LUZP2: variants seen among roughly 807,000 people sequenced by gnomAD.
LUZP2 encodes leucine zipper protein 2.
LUZP2 carries 52 observed loss-of-function variants against 51.6 expected under a neutral mutation model. The ratio of observed to expected loss-of-function variants is 1.01; its 90% CI spans 0.81 to 1.27. LUZP2 has a LOEUF of 1.27. LUZP2 is among the 50% of genes most tolerant of loss of function. LUZP2 has a pLI of 0.00. For missense variants in LUZP2, 436 were observed against 395.4 expected (o/e 1.10, Z -0.87); for synonymous variants, 154 against 137.3 (o/e 1.12, Z -0.85).
At position 24,786,236 on chromosome 11, in the gene LUZP2, C is replaced by T. The variant is rs151197330; in HGVS notation, c.396+22928C>T. On this transcript the variant is annotated intron_variant, in intron 5 of 11. Transcript: ENST00000336930. ...TTTTTAGGTTAACTTAATTTCCCAT[C>T]GTAATTGCATGCATGCATGTTTGAT... is the stretch of plus-strand genomic sequence containing the variant. 4.7e-5 allele frequency: 45 copies of T among 962,050 alleles called. 1 individual carries two copies. The East Asian group carries it at 1.3e-3, about 27-fold the overall frequency. The allele number at this position is 962,050 out of a possible 1,614,324, so 59.6% of individuals were successfully genotyped here.
intron 1 of LUZP2, among the ~76,000 whole-genome samples, chr11:24,632,882 G>T (rs565809665): frequency 2.6e-5 from 4 of 152,094 alleles, no homozygotes; most frequent in African/African-American, 9.6e-5. Context: ...AATCTTGTTT[G>T]AGAGAACACC....
chr11:24,499,271 T>C (rs1457251587), intron 1 of LUZP2, among the ~76,000 whole-genome samples: 1 of 152,194 alleles, frequency 6.6e-6, no homozygotes, highest in Admixed American at 6.5e-5. Flanking sequence ...TCTGTAGGAA[T>C]TCATTTTACT....
intron 1 of LUZP2, among the ~76,000 whole-genome samples, chr11:24,648,303 G>A (rs1855522936): frequency 6.6e-6 from 1 of 151,592 alleles, no homozygotes; most frequent in South Asian, 2.1e-4. Context: ...TGCCTTGACT[G>A]CAAATTGTTT....
At chr11:24,871,133 T>A (rs1852057511) in intron 5 of LUZP2, among the ~76,000 whole-genome samples, 1 of 152,118 alleles carries the variant, frequency 6.6e-6, no homozygotes, top group South Asian at 2.1e-4. Context: ...TTCCAAAATG[T>A]TTATCCAGAT....
At chr11:24,941,263 A>C (rs2133849391) in intron 7 of LUZP2, among the ~76,000 whole-genome samples, 1 of 152,344 alleles carries the variant, frequency 6.6e-6, no homozygotes, top group East Asian at 1.9e-4. Flanking sequence ...AATACTAAGT[A>C]TGTTTTTCCA....
chr11:24,592,337 AT>A (rs1853288776), intron 1 of LUZP2, among the ~76,000 whole-genome samples: 1 of 152,122 alleles, frequency 6.6e-6, no homozygotes, highest in Admixed American at 6.6e-5. Context: ...TGAGATTTTG[AT>A]TTTTTCAGCA....
intron 9 of LUZP2, among the ~76,000 whole-genome samples, chr11:25,005,590 C>G (rs1856809675): frequency 6.6e-6 from 1 of 152,054 alleles, no homozygotes; most frequent in Admixed American, 6.6e-5. Context: ...TGTTTCCCAT[C>G]TGAAAGACAA....
chr11:24,637,408 A>T (rs1170370619), intron 1 of LUZP2, among the ~76,000 whole-genome samples: 1 of 151,870 alleles, frequency 6.6e-6, no homozygotes, highest in Non-Finnish European at 1.5e-5. Flanking sequence ...GAACAATATG[A>T]AATCAGTGCA....
intron 1 of LUZP2, among the ~76,000 whole-genome samples, chr11:24,561,502 A>G (rs187274670): frequency 1.7e-3 from 256 of 152,286 alleles, no homozygotes; most frequent in African/African-American, 5.5e-3. Flanking sequence ...TTACGAGTTC[A>G]TGTCCTTTGC....
intron 7 of LUZP2, among the ~76,000 whole-genome samples, chr11:24,941,997 A>G (rs1854764891): frequency 6.6e-6 from 1 of 152,116 alleles, no homozygotes; most frequent in Admixed American, 6.5e-5. Context: ...AAATAAAAAC[A>G]CTTAGCATAA....
intron 1 of LUZP2, among the ~76,000 whole-genome samples, chr11:24,504,264 C>A (rs948615537): frequency 2.0e-5 from 3 of 152,192 alleles, no homozygotes; most frequent in African/African-American, 7.2e-5. Flanking sequence ...GGGCAGCATG[C>A]TAACTATCTT....
chr11:24,830,177 A>T (rs1157692967), intron 5 of LUZP2, among the ~76,000 whole-genome samples: 2 of 152,176 alleles, frequency 1.3e-5, no homozygotes, highest in Admixed American at 1.3e-4. Flanking sequence ...TATCAGAACT[A>T]GTATCTGTAT....
chr11:24,607,588 C>T (rs1209298280), intron 1 of LUZP2, among the ~76,000 whole-genome samples: 1 of 151,712 alleles, frequency 6.6e-6, no homozygotes, highest in African/African-American at 2.4e-5. Context: ...GTGCCTTCGA[C>T]TGTTATTCTT....
At chr11:24,967,827 A>G (rs1041267767) in intron 7 of LUZP2, among the ~76,000 whole-genome samples, 1 of 152,120 alleles carries the variant, frequency 6.6e-6, no homozygotes, top group Non-Finnish European at 1.5e-5. Flanking sequence ...TTTCTGCTAT[A>G]TTCAACATAT....
chr11:24,808,358 G>A (rs1319360394), intron 5 of LUZP2, among the ~76,000 whole-genome samples: 1 of 152,044 alleles, frequency 6.6e-6, no homozygotes, highest in Non-Finnish European at 1.5e-5. Flanking sequence ...GACTGGATTT[G>A]CAATGAACTC....
At chr11:24,778,931 A>G (rs931538466) in intron 5 of LUZP2, among the ~76,000 whole-genome samples, 4 of 152,210 alleles carry the variant, frequency 2.6e-5, no homozygotes, top group Non-Finnish European at 5.9e-5. Context: ...ACTAAACTCA[A>G]TGTAAATTCC....
chr11:24,687,120 C>G (rs973165178), intron 1 of LUZP2, among the ~76,000 whole-genome samples: 1 of 152,062 alleles, frequency 6.6e-6, no homozygotes, highest in Non-Finnish European at 1.5e-5. Flanking sequence ...AAACAAAAAT[C>G]TTTATGTAGA....
intron 5 of LUZP2, among the ~76,000 whole-genome samples, chr11:24,868,265 A>C (rs1256473452): frequency 6.6e-6 from 1 of 152,130 alleles, no homozygotes; most frequent in African/African-American, 2.4e-5. Flanking sequence ...GACAACTCTT[A>C]GCTCTGATAT....
intron 3 of LUZP2, among the ~76,000 whole-genome samples, chr11:24,734,523 T>C (rs1329769928): frequency 6.6e-6 from 1 of 151,846 alleles, no homozygotes; most frequent in Non-Finnish European, 1.5e-5. Context: ...TTATCTAAAA[T>C]TAAAAACTTG....
Sources: gnomAD v4.1 joint callset for allele counts (sites outside exome capture counted in the v4.1 genomes callset) on GRCh38, gnomAD v4.1.1 for gene constraint, MANE v1.5 for transcripts, NCBI Gene and HGNC (gene_info 2026-07-23, HGNC 2026-07-21) for gene names.